Variants in MOB1B observed in about 807,000 individuals in gnomAD.
MOB1B encodes MOB kinase activator 1B.
A neutral mutation model predicts 24.4 loss-of-function variants in MOB1B; 19 were observed. The ratio of observed to expected loss-of-function variants is 0.78; its 90% CI spans 0.54 to 1.14. The LOEUF (loss-of-function observed/expected upper bound fraction) is 1.14. Among genes scored for constraint, MOB1B ranks in the 50% most tolerant of loss-of-function variants. MOB1B has a pLI of 0.00. For synonymous variants in MOB1B, 76 were observed against 82.1 expected (o/e 0.93, Z 0.40); for missense variants, 243 against 259.6 (o/e 0.94, Z 0.44).
At chr4:70,970,894 A>G (rs1738725708) in intron 3 of MOB1B, among the ~76,000 whole-genome samples, 1 of 152,228 alleles carries the variant, frequency 6.6e-6, no homozygotes, top group African/African-American at 2.4e-5. Flanking sequence ...TGCACTAGGA[A>G]AGACACAAAG....
rs532121305 is a variant in MOB1B at position 70,987,349 on chromosome 4, G to A, written c.*5292G>A. 9.2e-5 allele frequency: 14 copies of A among 151,918 alleles called. No individual in the cohort carries two copies. Among genetic ancestry groups the A allele is most frequent in the Middle Eastern group, 6.8e-3 (2 of 294 alleles). The allele number at this position is 151,918 out of a possible 1,614,324, so 9.4% of individuals were successfully genotyped here. ...TCTCATCTGATTTAATATTAAATTTGTATAGGTGGGCGTTTCTTACCATTT... is the reference window on the plus strand; with the variant it reads ...TCTCATCTGATTTAATATTAAATTTATATAGGTGGGCGTTTCTTACCATTT... On this transcript the variant is annotated 3_prime_UTR_variant, in exon 6 of 6. Coordinates refer to ENST00000309395, the MANE Select transcript of MOB1B (RefSeq NM_173468.4).
intron 4 of MOB1B, among the ~76,000 whole-genome samples, chr4:70,977,832 A>G (rs535654819): frequency 1.3e-5 from 2 of 152,218 alleles, no homozygotes; most frequent in East Asian, 3.9e-4. Flanking sequence ...CTGGGGCCGC[A>G]GGTATACACC....
At chr4:70,954,043 C>A (rs367590428) in intron 1 of MOB1B, among the ~76,000 whole-genome samples, 228 of 152,170 alleles carry the variant, frequency 1.5e-3, no homozygotes, top group South Asian at 4.2e-3. Context: ...TGGCCTGAAC[C>A]TTTCAGCGTA....
At chr4:70,922,348 G>A (rs1328694170) in intron 1 of MOB1B, among the ~76,000 whole-genome samples, 1 of 152,058 alleles carries the variant, frequency 6.6e-6, no homozygotes, top group Non-Finnish European at 1.5e-5. Context: ...TATCCCATTT[G>A]CTGTACTTAA....
At position 70,958,159 on chromosome 4, in the gene MOB1B, C is replaced by T. The variant is rs1738146575; in HGVS notation, c.15-715C>T. On this transcript the variant is annotated intron_variant, in intron 1 of 5. Transcript: ENST00000309395. ...TTGGGTAGAAAAACATGTAGCTTTT[C>T]TTTTCTTTCTTTTTTTTTTTTTTGA... 2.7e-5 allele frequency among the ~76,000 whole-genome samples: 4 copies of T among 150,440 alleles called. No homozygotes were observed. In the South Asian group the frequency reaches 8.4e-4, roughly 32 times the overall value.
chr4:70,973,019 C>G (rs1018420063), intron 3 of MOB1B, among the ~76,000 whole-genome samples: 1 of 152,072 alleles, frequency 6.6e-6, no homozygotes, highest in Non-Finnish European at 1.5e-5. Flanking sequence ...ATGATCCGCC[C>G]GCCTCGGCCT....
intron 1 of MOB1B, among the ~76,000 whole-genome samples, chr4:70,923,699 C>G (rs1263363715): frequency 6.6e-6 from 1 of 151,808 alleles, no homozygotes; most frequent in Non-Finnish European, 1.5e-5. Flanking sequence ...CCTGTAATCC[C>G]AGCACTCTTG....
In MOB1B at chr4:70,958,476, C is replaced by CT. The variant is rs200791596; in HGVS notation, c.15-390dup. Among the ~76,000 whole-genome samples, 1,042 of 151,800 alleles carry CT rather than the reference C, an allele frequency of 6.9e-3. 14 individuals are homozygous for CT. Among genetic ancestry groups the CT allele is most frequent in the African/African-American group, 0.022 (906 of 41,372 alleles). On this transcript the variant is annotated intron_variant, in intron 1 of 5. Transcript: ENST00000309395. ...CCACTGTGCCTGGCTGAACATGTAG[C>CT]TTTTTTTTCTTGTTCCAGGATTTTT...
At position 70,982,264 on chromosome 4, in the gene MOB1B, A is replaced by G. The variant is rs541154165; in HGVS notation, c.*207A>G. On this transcript the variant is annotated 3_prime_UTR_variant, in exon 6 of 6. Coordinates refer to ENST00000309395, the MANE Select transcript of MOB1B (RefSeq NM_173468.4). ...AAGAACCATTCTCTATACACTTGAT[A>G]AGGGTAAATTTATCTTAGTGTTTTT... 7.5e-6 allele frequency: 3 copies of G among 400,666 alleles called. No individual in the cohort carries two copies. The highest frequency in any genetic ancestry group is 1.2e-4 in the South Asian group (2 of 17,116). The allele number at this position is 400,666 out of a possible 1,614,324, so 24.8% of individuals were successfully genotyped here. A position where few individuals can be genotyped will look rare whatever the true frequency, so the allele number is the denominator to read the frequency against.
intron 2 of MOB1B, among the ~76,000 whole-genome samples, chr4:70,961,020 C>G (rs1228629824): frequency 1.3e-5 from 2 of 152,258 alleles, no homozygotes; most frequent in Admixed American, 1.3e-4. Context: ...CCAGTGGATT[C>G]CTGAAACCGG....
At chr4:70,930,351 C>G (rs1578361765) in intron 1 of MOB1B, among the ~76,000 whole-genome samples, 1 of 152,258 alleles carries the variant, frequency 6.6e-6, no homozygotes, top group East Asian at 1.9e-4. Context: ...TCACTTACTT[C>G]TCTTAATTCT....
intron 1 of MOB1B, among the ~76,000 whole-genome samples, chr4:70,916,614 C>G (rs1341006402): frequency 6.6e-6 from 1 of 152,108 alleles, no homozygotes; most frequent in Non-Finnish European, 1.5e-5. Context: ...CTTGCCCAGG[C>G]TAGAGTGCAA....
chr4:70,964,911 CAA>C (rs1738450993), intron 2 of MOB1B, among the ~76,000 whole-genome samples: 1 of 139,242 alleles, frequency 7.2e-6, no homozygotes, highest in Non-Finnish European at 1.5e-5. Context: ...GCCTAGGCAA[CAA>C]GAGTGAAACT....
chr4:70,965,296 C>CAAAAA (rs1175536577), intron 2 of MOB1B, among the ~76,000 whole-genome samples: 13 of 36,140 alleles, frequency 3.6e-4, no homozygotes, highest in South Asian at 1.1e-3. Context: ...GACTTCATCT[C>CAAAAA]AAAAAAAAAA....
chr4:70,987,903 A>G lies in MOB1B; in HGVS notation c.*5846A>G, dbSNP rs1739431876. Reference sequence around the variant, plus strand: ...AAAATCATCTAAGTTATGAAATCCAACATAGGCGCTATATTACAAACTGTG... The same window carrying G: ...AAAATCATCTAAGTTATGAAATCCAGCATAGGCGCTATATTACAAACTGTG... On this transcript the variant is annotated 3_prime_UTR_variant, in exon 6 of 6. Transcript: ENST00000309395. 1 of 152,628 alleles carries G rather than the reference A, an allele frequency of 6.6e-6. No homozygotes were observed. The highest frequency in any genetic ancestry group is 1.5e-5 in the Non-Finnish European group (1 of 68,028). The allele number at this position is 152,628 out of a possible 1,614,324, so 9.5% of individuals were successfully genotyped here. A position where few individuals can be genotyped will look rare whatever the true frequency, so the allele number is the denominator to read the frequency against.
At chr4:70,965,324 G>A (rs1334923059) in intron 2 of MOB1B, among the ~76,000 whole-genome samples, 2 of 146,628 alleles carry the variant, frequency 1.4e-5, no homozygotes, top group African/African-American at 2.5e-5. Flanking sequence ...AAAAAAAGTG[G>A]TTCTTTGCAA....
chr4:70,910,008 A>T (rs974855624), intron 1 of MOB1B, among the ~76,000 whole-genome samples: 1 of 151,636 alleles, frequency 6.6e-6, no homozygotes. Context: ...TCGGCCTCCC[A>T]AAGTGCTGGG....
chr4:70,940,888 G>T (rs1737305015), intron 1 of MOB1B, among the ~76,000 whole-genome samples: 1 of 151,702 alleles, frequency 6.6e-6, no homozygotes, highest in African/African-American at 2.4e-5. Flanking sequence ...GTTGAGGCTG[G>T]TATCGAACTC....
intron 1 of MOB1B, among the ~76,000 whole-genome samples, chr4:70,919,333 A>G (rs979553633): frequency 6.6e-6 from 1 of 152,026 alleles, no homozygotes; most frequent in Non-Finnish European, 1.5e-5. Flanking sequence ...AAAAAAGACA[A>G]TTTTGAAACT....
Sources: gnomAD v4.1 joint callset for allele counts (sites outside exome capture counted in the v4.1 genomes callset) on GRCh38, gnomAD v4.1.1 for gene constraint, MANE v1.5 for transcripts, NCBI Gene and HGNC (gene_info 2026-07-23, HGNC 2026-07-21) for gene names.